The following DDR2 variants were observed in gnomAD, a reference collection of about 807,000 sequenced individuals.
DDR2 encodes the protein discoidin domain receptor tyrosine kinase 2.
DDR2 carries 27 observed loss-of-function variants against 94.9 expected under a neutral mutation model. The ratio of observed to expected loss-of-function variants is 0.28; its 90% CI spans 0.21 to 0.39. The LOEUF (loss-of-function observed/expected upper bound fraction) is 0.39. Among genes scored for constraint, DDR2 ranks in the 10% least tolerant of loss-of-function variants. The probability of loss-of-function intolerance (pLI) is 1.00; values close to 1 mark genes in which losing one functional copy is unlikely to be tolerated. For synonymous variants in DDR2, 382 were observed against 377.2 expected, an observed-to-expected ratio of 1.01 and a Z score of -0.15; for missense variants, 783 against 1,076.0, an observed-to-expected ratio of 0.73 and a Z score of 3.81.
At position 162,783,872 on chromosome 1, in the gene DDR2, C is replaced by A. The variant is rs1348790580; in HGVS notation, c.*3626C>A. The A allele has an allele frequency of 1.3e-5, 2 of 152,186 alleles. No homozygotes were observed. The highest frequency in any genetic ancestry group is 1.9e-4 in the East Asian group (1 of 5,202). 9.4% of individuals were successfully genotyped at this position (152,186 alleles called of 1,614,324 possible). The stretch of plus-strand genomic sequence containing the variant: ...AAGTGCTGGTGAGAAGAAAGGAACT[C>A]TTTGCCTGAACTGGGCTTGGTTTTC... On this transcript the variant is annotated 3_prime_UTR_variant, in exon 18 of 18. Transcript: ENST00000367921.
At position 162,775,742 on chromosome 1, in the gene DDR2, T is replaced by G; in HGVS notation, c.1947T>G (p.Pro649=). 1 of 1,614,136 alleles carries G rather than the reference T, an allele frequency of 6.2e-7. No individual in the cohort carries two copies. Among genetic ancestry groups the G allele is most frequent in the South Asian group, 1.1e-5 (1 of 91,080 alleles). Residue 649 remains proline (P), a synonymous_variant, in exon 15 of 18, where the codon CCT becomes CCG. Transcript: ENST00000367921. ...TAGCTGTGTGTATCACTGATGACCC[T>G]CTCTGTATGATCACTGAATACATGG... ...HLLAVCITDD[P]LCMITEYMEN...
At chr1:162,658,180 A>C (rs1658100740) in intron 2 of DDR2, among the ~76,000 whole-genome samples, 1 of 152,226 alleles carries the variant, frequency 6.6e-6, no homozygotes, top group South Asian at 2.1e-4. Flanking sequence ...GTTTCTCGCA[A>C]GTCTCTGGTC....
At chr1:162,716,737 G>C (rs1478367659) in intron 2 of DDR2, among the ~76,000 whole-genome samples, 1 of 150,062 alleles carries the variant, frequency 6.7e-6, no homozygotes, top group Non-Finnish European at 1.5e-5. Flanking sequence ...CTCTGGGTGT[G>C]TCAGTATTAT....
At chr1:162,733,284 G>A (rs1275647332) in intron 3 of DDR2, among the ~76,000 whole-genome samples, 1 of 152,216 alleles carries the variant, frequency 6.6e-6, no homozygotes, top group Non-Finnish European at 1.5e-5. Flanking sequence ...GCAGTTCTGA[G>A]TCTTGACTAT....
intron 2 of DDR2, among the ~76,000 whole-genome samples, chr1:162,689,497 C>T (rs1644449290): frequency 6.6e-6 from 1 of 152,006 alleles, no homozygotes; most frequent in East Asian, 1.9e-4. Flanking sequence ...CTCACCGGTC[C>T]CCTGTCAGGC....
intron 1 of DDR2, among the ~76,000 whole-genome samples, chr1:162,647,067 C>A (rs1056098095): frequency 3.9e-5 from 6 of 152,112 alleles, no homozygotes; most frequent in Non-Finnish European, 8.8e-5. Flanking sequence ...TTTGGCCAGA[C>A]CCTTGGAAAA....
At chr1:162,716,837 A>G (rs1421875194) in intron 2 of DDR2, among the ~76,000 whole-genome samples, 1 of 151,684 alleles carries the variant, frequency 6.6e-6, no homozygotes, top group African/African-American at 2.4e-5. Context: ...CATCCCTGTT[A>G]TTGCCTATTA....
chr1:162,764,417 G>A (rs1663897974), intron 9 of DDR2, among the ~76,000 whole-genome samples: 2 of 138,852 alleles, frequency 1.4e-5, no homozygotes, highest in Admixed American at 1.4e-4. Flanking sequence ...AAAAAGAAAT[G>A]TCCAAAGCAA....
At chr1:162,694,343 C>T (rs1166311359) in intron 2 of DDR2, among the ~76,000 whole-genome samples, 1 of 152,188 alleles carries the variant, frequency 6.6e-6, no homozygotes, top group Admixed American at 6.5e-5. Context: ...TGAGCCACAC[C>T]AAGGCGATTC....
rs561765710 is a variant in DDR2, at chr1:162,782,307, A to T, written c.*2061A>T. On this transcript the variant is annotated 3_prime_UTR_variant, in exon 18 of 18. Coordinates refer to ENST00000367921, the MANE Select transcript of DDR2 (RefSeq NM_006182.4). ...TGTCCAGTACTCACTGGAAAATTGG[A>T]TCTATAACTGATGGGTTTAGTAATC... 6.6e-6 allele frequency: 1 copy of T among 152,308 alleles called. No individual in the cohort carries two copies. The highest frequency in any genetic ancestry group is 2.4e-5 in the African/African-American group (1 of 41,572). The allele number at this position is 152,308 out of a possible 1,614,324, so 9.4% of individuals were successfully genotyped here.
intron 2 of DDR2, among the ~76,000 whole-genome samples, chr1:162,684,848 CACACACAT>C (rs904739304): frequency 4.8e-5 from 7 of 144,834 alleles, no homozygotes; most frequent in African/African-American, 1.6e-4. Context: ...CACACACACA[CACACACAT>C]ACATGAATAG....
intron 2 of DDR2, among the ~76,000 whole-genome samples, chr1:162,667,308 T>G (rs1418091128): frequency 6.6e-6 from 1 of 152,172 alleles, no homozygotes; most frequent in African/African-American, 2.4e-5. Flanking sequence ...AGGACAGAAA[T>G]TGTTATTCTG....
At chr1:162,754,232 T>C (rs1663349375) in intron 4 of DDR2, among the ~76,000 whole-genome samples, 1 of 152,152 alleles carries the variant, frequency 6.6e-6, no homozygotes, top group African/African-American at 2.4e-5. Context: ...TCCTCCCTAT[T>C]GCCATAACTT....
At chr1:162,656,859 G>GTTTTTTTTTTT (rs200020368) in intron 2 of DDR2, among the ~76,000 whole-genome samples, 1 of 107,206 alleles carries the variant, frequency 9.3e-6, no homozygotes, top group Non-Finnish European at 1.8e-5. Context: ...TATTTTTTTT[G>GTTTTTTTTTTT]TTAACAGGGT....
At chr1:162,762,806 A>G (rs1217364309) in intron 9 of DDR2, among the ~76,000 whole-genome samples, 1 of 152,050 alleles carries the variant, frequency 6.6e-6, no homozygotes, top group African/African-American at 2.4e-5. Flanking sequence ...TATCAATTTA[A>G]TGCTTAATCG....
intron 2 of DDR2, among the ~76,000 whole-genome samples, chr1:162,670,259 C>T (rs549220507): frequency 9.6e-4 from 146 of 152,216 alleles, no homozygotes; most frequent in African/African-American, 3.2e-3. Flanking sequence ...TACAGGCATG[C>T]GCCACCATGC....
At chr1:162,670,449 G>T (rs949255016) in intron 2 of DDR2, among the ~76,000 whole-genome samples, 1 of 152,120 alleles carries the variant, frequency 6.6e-6, no homozygotes, top group Non-Finnish European at 1.5e-5. Context: ...AATCAGGCTC[G>T]TTCAGGTTAC....
At chr1:162,727,525 T>TAAATAA (rs1168838433) in intron 3 of DDR2, among the ~76,000 whole-genome samples, 11 of 146,284 alleles carry the variant, frequency 7.5e-5, no homozygotes, top group South Asian at 2.1e-4. Flanking sequence ...AATAAATAAA[T>TAAATAA]AAATAAAAAT....
Position 162,773,480 on chromosome 1 carries a change from T to C in DDR2, c.1740T>C (p.Cys580=). The C allele has an allele frequency of 6.2e-7, 1 of 1,613,872 alleles. No individual in the cohort carries two copies. The highest frequency in any genetic ancestry group is 1.3e-5 in the African/African-American group (1 of 75,036). The change falls in exon 14 of 18, where the codon TGT becomes TGC. Residue 580 remains cysteine (C), a synonymous_variant. Transcript: ENST00000367921. The part of the protein sequence containing the change: ...GEGQFGEVHL[C]EVEGMEKFKD... ...TGACTTTTGTCTAGGTTCATCTCTGTGAAGTGGAGGGAATGGAAAAATTCA... is the reference window on the plus strand; with the variant it reads ...TGACTTTTGTCTAGGTTCATCTCTGCGAAGTGGAGGGAATGGAAAAATTCA...
Sources: gnomAD v4.1 joint callset for allele counts (sites outside exome capture counted in the v4.1 genomes callset) on GRCh38, gnomAD v4.1.1 for gene constraint, MANE v1.5 for transcripts, NCBI Gene and HGNC (gene_info 2026-07-23, HGNC 2026-07-21) for gene names.